Variants in LAMA3 observed in about 807,000 individuals in gnomAD.
LAMA3 encodes laminin subunit alpha-3.
LAMA3 carries 281 observed loss-of-function variants against 402.0 expected under a neutral mutation model. That is an observed-to-expected ratio of 0.70 (90% CI 0.63 to 0.77). LAMA3 has a LOEUF of 0.77. LAMA3 is among the 30% of genes least tolerant of loss of function. LAMA3 has a pLI of 0.00. For missense variants in LAMA3, 3,840 were observed against 4,215.5 expected, an observed-to-expected ratio of 0.91 and a Z score of 2.47; for synonymous variants, 1,431 against 1,558.4, an observed-to-expected ratio of 0.92 and a Z score of 1.93.
intron 2 of LAMA3, among the ~76,000 whole-genome samples, chr18:23,727,862 T>C (rs2061325807): frequency 6.6e-6 from 1 of 152,166 alleles, no homozygotes; most frequent in African/African-American, 2.4e-5. Flanking sequence ...CCCCAGTAGC[T>C]AGGAGCACAG....
intron 72 of LAMA3, 105 bp downstream of exon 72, chr18:23,950,264 T>C: frequency 3.1e-6 from 4 of 1,297,290 alleles, no homozygotes; most frequent in Non-Finnish European, 3.3e-6. Context: ...TCCAATCTTG[T>C]ATTTAAGAGC....
At chr18:23,937,205 A>C (rs1184318515) in intron 67 of LAMA3, among the ~76,000 whole-genome samples, 1 of 152,030 alleles carries the variant, frequency 6.6e-6, no homozygotes, top group Admixed American at 6.6e-5. Flanking sequence ...GTCTCTACTT[A>C]AAATACAAAA....
chr18:23,825,758 G>A (rs568614458), intron 21 of LAMA3, among the ~76,000 whole-genome samples: 80 of 152,172 alleles, frequency 5.3e-4, no homozygotes, highest in African/African-American at 1.8e-3. Context: ...GAAAGTAGAA[G>A]TTCATTATAA....
chr18:23,804,791 T>G (rs2062930593), intron 12 of LAMA3, among the ~76,000 whole-genome samples: 1 of 152,118 alleles, frequency 6.6e-6, no homozygotes, highest in Admixed American at 6.6e-5. Context: ...GTGGGTGAGA[T>G]CTCTCTCTGA....
chr18:23,931,037 T>C (rs1205663176), intron 64 of LAMA3, 25 bp from the exon 65 acceptor site: 1 of 1,602,300 alleles, frequency 6.2e-7, no homozygotes, highest in African/African-American at 1.3e-5. Flanking sequence ...AATTAGTTGA[T>C]GGGTATTTTC....
intron 1 of LAMA3, chr18:23,710,044 T>G: frequency 1.3e-6 from 1 of 772,738 alleles, no homozygotes; most frequent in Non-Finnish European, 2.3e-6. Flanking sequence ...GCGGACTCAG[T>G]GGTCAGCAGA....
chr18:23,860,628 A>G (rs182202321), intron 34 of LAMA3, among the ~76,000 whole-genome samples: 61 of 151,840 alleles, frequency 4.0e-4, no homozygotes, highest in Middle Eastern at 6.8e-3. Context: ...TCCATGAACC[A>G]GTAACCTCAT....
chr18:23,856,681 C>A (rs544893880), intron 32 of LAMA3, among the ~76,000 whole-genome samples: 4 of 152,272 alleles, frequency 2.6e-5, no homozygotes, highest in South Asian at 2.1e-4. Context: ...CTCCCACCCC[C>A]CACTGTGCTT....
intron 18 of LAMA3, among the ~76,000 whole-genome samples, chr18:23,817,452 G>A (rs1408643161): frequency 6.6e-6 from 1 of 152,134 alleles, no homozygotes; most frequent in African/African-American, 2.4e-5. Context: ...AATTCTAAAA[G>A]TCAGAGCAGG....
intron 12 of LAMA3, among the ~76,000 whole-genome samples, chr18:23,805,173 G>A (rs923562871): frequency 1.3e-5 from 2 of 152,084 alleles, no homozygotes; most frequent in Non-Finnish European, 2.9e-5. Flanking sequence ...CAGGTGTCAG[G>A]TGATATGTTA....
chr18:23,817,620 C>T (rs915994910), intron 18 of LAMA3, among the ~76,000 whole-genome samples: 3 of 152,110 alleles, frequency 2.0e-5, no homozygotes, highest in Admixed American at 6.5e-5. Context: ...GAGGCTGAGG[C>T]AGGAGGATAG....
At chr18:23,840,377 C>CT (rs201657216) in intron 27 of LAMA3, among the ~76,000 whole-genome samples, 1,755 of 79,322 alleles carry the variant, frequency 0.022, 101 homozygotes, top group South Asian at 0.091. Context: ...AAGAACCTTT[C>CT]TTTCTTTTTT....
chr18:23,695,517 C>T (rs748726625), intron 1 of LAMA3, among the ~76,000 whole-genome samples: 7 of 151,968 alleles, frequency 4.6e-5, no homozygotes, highest in South Asian at 2.1e-4. Flanking sequence ...TTAGAGATCA[C>T]GCACATTATG....
chr18:23,942,681 G>A (rs1046311623), intron 68 of LAMA3, among the ~76,000 whole-genome samples: 1 of 150,964 alleles, frequency 6.6e-6, no homozygotes, highest in African/African-American at 2.4e-5. Context: ...GGGTTCAAGC[G>A]ATTCTCCTGC....
At chr18:23,927,129 G>A (rs1299341465) in intron 62 of LAMA3, among the ~76,000 whole-genome samples, 2 of 152,172 alleles carry the variant, frequency 1.3e-5, no homozygotes, top group Admixed American at 6.5e-5. Flanking sequence ...CAGGTGCCAT[G>A]CACTGCTGCA....
chr18:23,771,869 CACA>C (rs1301192523), intron 8 of LAMA3, among the ~76,000 whole-genome samples: 1 of 152,102 alleles, frequency 6.6e-6, no homozygotes, highest in Admixed American at 6.5e-5. Context: ...AAGCCAGGAG[CACA>C]ACATTTTTGG....
At chr18:23,770,370 A>T (rs1598754835) in intron 8 of LAMA3, among the ~76,000 whole-genome samples, 1 of 148,544 alleles carries the variant, frequency 6.7e-6, no homozygotes, top group East Asian at 2.1e-4. Context: ...GAACTTCCAC[A>T]GCTCAGTTAT....
chr18:23,860,995 A>G (rs1242033662), intron 34 of LAMA3, among the ~76,000 whole-genome samples: 2 of 152,098 alleles, frequency 1.3e-5, no homozygotes, highest in Admixed American at 1.3e-4. Flanking sequence ...CCTGGCCCCA[A>G]AAATACTATT....
At chr18:23,902,159 C>T (rs2081093211) in intron 48 of LAMA3, among the ~76,000 whole-genome samples, 1 of 152,010 alleles carries the variant, frequency 6.6e-6, no homozygotes. Context: ...CCTGTCTCTA[C>T]AAAAATTTTT....
Sources: allele counts gnomAD v4.1 joint callset (sites outside exome capture counted in the v4.1 genomes callset), GRCh38; gene constraint gnomAD v4.1.1; transcripts MANE v1.5; gene names NCBI Gene and HGNC (gene_info 2026-07-23, HGNC 2026-07-21).